The following ENOX1 variants were observed in gnomAD, a reference collection of about 807,000 sequenced individuals.
The protein encoded by ENOX1 is ecto-NOX disulfide-thiol exchanger 1.
A neutral mutation model predicts 82.5 loss-of-function variants in ENOX1; 42 were observed. The ratio of observed to expected loss-of-function variants is 0.51; its 90% CI spans 0.40 to 0.66. The LOEUF is 0.66. Among genes scored for constraint, ENOX1 ranks in the 30% least tolerant of loss-of-function variants. The pLI, the probability that ENOX1 is intolerant of heterozygous loss-of-function variation, is 0.00. For synonymous variants in ENOX1, 271 were observed against 282.2 expected (o/e 0.96, Z 0.40); for missense variants, 608 against 811.6 (o/e 0.75, Z 3.05).
chr13:43,386,222 C>T (rs1048168914), intron 5 of ENOX1, among the ~76,000 whole-genome samples: 4 of 152,068 alleles, frequency 2.6e-5, no homozygotes, highest in African/African-American at 9.7e-5. Flanking sequence ...CTTTAAACAA[C>T]AACAACAAAA....
Position 43,630,858 on chromosome 13 carries a change from T to TACACACACACACAC in ENOX1, c.-219+36620_-219+36621insGTGTGTGTGTGTGT, listed in dbSNP as rs767775854. Among the ~76,000 whole-genome samples, 792 of 82,066 alleles carry TACACACACACACAC rather than the reference T, an allele frequency of 9.7e-3. 35 individuals are homozygous for TACACACACACACAC. In the East Asian group the frequency reaches 0.23, roughly 23 times the overall value. 53.8% of individuals were successfully genotyped at this position (82,066 alleles called of 152,430 possible). A position where few individuals can be genotyped will look rare whatever the true frequency, so the allele number is the denominator to read the frequency against. ...AACCACACACACACATATATATATA[T>TACACACACACACAC]ATACACACACACACACATATATATA... On this transcript the variant is annotated intron_variant, in intron 2 of 16. Coordinates refer to ENST00000690772, the MANE Select transcript of ENOX1 (RefSeq NM_001347969.2).
At chr13:43,573,252 T>G (rs937082221) in intron 2 of ENOX1, among the ~76,000 whole-genome samples, 1 of 152,198 alleles carries the variant, frequency 6.6e-6, no homozygotes, top group Non-Finnish European at 1.5e-5. Flanking sequence ...TCTCAGTGAC[T>G]TCTCCCTTCA....
chr13:43,438,996 T>C (rs2056199453), intron 3 of ENOX1, among the ~76,000 whole-genome samples: 2 of 152,028 alleles, frequency 1.3e-5, no homozygotes, highest in Admixed American at 1.3e-4. Flanking sequence ...CAACAGTGTA[T>C]TATTGTGTGA....
At chr13:43,711,318 C>G (rs559992205) in intron 1 of ENOX1, among the ~76,000 whole-genome samples, 2 of 151,944 alleles carry the variant, frequency 1.3e-5, no homozygotes, top group Non-Finnish European at 2.9e-5. Context: ...CCAGTCTTAC[C>G]GTTGTTCGAC....
At chr13:43,328,285 T>C (rs920582802) in intron 9 of ENOX1, among the ~76,000 whole-genome samples, 1 of 152,206 alleles carries the variant, frequency 6.6e-6, no homozygotes, top group African/African-American at 2.4e-5. Context: ...CTGGGATCAT[T>C]GGGAATTTCA....
chr13:43,651,915 C>T (rs28505120), intron 2 of ENOX1, among the ~76,000 whole-genome samples: 21,746 of 133,178 alleles, frequency 0.16, 1,966 homozygotes, highest in East Asian at 0.43. Context: ...TCGGAGGTTG[C>T]GGTGAGATGA....
chr13:43,377,838 C>A (rs918960496), intron 5 of ENOX1, among the ~76,000 whole-genome samples: 1 of 152,112 alleles, frequency 6.6e-6, no homozygotes, highest in Non-Finnish European at 1.5e-5. Context: ...TGATAAAACC[C>A]TAAATTGGAT....
In ENOX1 at chr13:43,236,691, G is replaced by T. The variant is rs1170167446; in HGVS notation, c.1659C>A (p.Asn553Lys). Residue 553 changes from asparagine (N) to lysine (K), a missense_variant, in exon 15 of 17, where the codon AAC becomes AAA. Physicochemically the swap from Asn to Lys is moderately conservative, Grantham distance 94 (BLOSUM62 0). Coordinates refer to ENST00000690772, the MANE Select transcript of ENOX1 (RefSeq NM_001347969.2). ...AGCCTTGGCTTCTTTTCTCAATATT[G>T]TTCTCTCGGTCTTGGTTGACTAATG... is the stretch of plus-strand genomic sequence containing the variant. ...TVALVNQDRE[N>K]NIEKRSQGLK... is the part of the protein sequence containing the mutation. 4 of 1,587,892 alleles carry T rather than the reference G, an allele frequency of 2.5e-6. No homozygotes were observed. In the East Asian group the frequency reaches 9.2e-5, roughly 36 times the overall value.
intron 3 of ENOX1, among the ~76,000 whole-genome samples, chr13:43,442,998 G>C (rs1012830387): frequency 4.6e-5 from 7 of 152,126 alleles, no homozygotes; most frequent in Non-Finnish European, 1.0e-4. Context: ...ATTTTGACTG[G>C]AATATAGAAA....
chr13:43,373,837 A>G (rs1357959314), intron 5 of ENOX1, among the ~76,000 whole-genome samples: 2 of 152,206 alleles, frequency 1.3e-5, no homozygotes, highest in Admixed American at 1.3e-4. Context: ...TTAACTAACA[A>G]ATTGCCATTT....
Position 43,214,426 on chromosome 13 carries a change from G to C in ENOX1, c.1801-305C>G, listed in dbSNP as rs2041355983. 2.6e-5 allele frequency among the ~76,000 whole-genome samples: 4 copies of C among 152,134 alleles called. No individual in the cohort carries two copies. In the South Asian group the frequency reaches 8.3e-4, roughly 32 times the overall value. ...GCCCTCCCCTGATATAAAAGGAGATGGGGAGGGAATTTAAGAGGGCTCCCA... is the reference window on the plus strand; with the variant it reads ...GCCCTCCCCTGATATAAAAGGAGATCGGGAGGGAATTTAAGAGGGCTCCCA... On this transcript the variant is annotated intron_variant, in intron 16 of 16. Coordinates refer to ENST00000690772, the MANE Select transcript of ENOX1 (RefSeq NM_001347969.2).
At chr13:43,453,046 A>G (rs2057047984) in intron 3 of ENOX1, among the ~76,000 whole-genome samples, 1 of 152,218 alleles carries the variant, frequency 6.6e-6, no homozygotes, top group Non-Finnish European at 1.5e-5. Context: ...ATGCAAGTCC[A>G]AGCTGTGCTA....
chr13:43,685,316 C>T (rs1376115743), intron 1 of ENOX1, among the ~76,000 whole-genome samples: 1 of 152,150 alleles, frequency 6.6e-6, no homozygotes, highest in Non-Finnish European at 1.5e-5. Flanking sequence ...GCCAGGAAGG[C>T]AGAGGAGAAG....
chr13:43,272,975 C>T (rs1019708034), intron 12 of ENOX1, among the ~76,000 whole-genome samples: 2 of 152,110 alleles, frequency 1.3e-5, no homozygotes, highest in African/African-American at 2.4e-5. Flanking sequence ...TTCTTTTCTT[C>T]TCACTACACG....
intron 2 of ENOX1, among the ~76,000 whole-genome samples, chr13:43,616,178 C>CTATATATAGATATCTATAGATATATAGA (rs1566642064): frequency 1.5e-4 from 1 of 6,574 alleles, no homozygotes; most frequent in Non-Finnish European, 2.6e-4. Flanking sequence ...ATCTATCTAT[C>CTATATATAGATATCTATAGATATATAGA]TATCTATCTA....
At chr13:43,671,134 G>T (rs2085247276) in intron 1 of ENOX1, among the ~76,000 whole-genome samples, 1 of 151,996 alleles carries the variant, frequency 6.6e-6, no homozygotes, top group Admixed American at 6.6e-5. Context: ...GCTCTTGCAT[G>T]CTCTCTCTCT....
chr13:43,630,016 C>T (rs1014690586), intron 2 of ENOX1, among the ~76,000 whole-genome samples: 5 of 152,136 alleles, frequency 3.3e-5, no homozygotes, highest in African/African-American at 1.2e-4. Context: ...CTGGTGTCTT[C>T]TATTTTATTC....
chr13:43,712,480 G>A (rs1026975540), intron 1 of ENOX1, among the ~76,000 whole-genome samples: 1 of 151,896 alleles, frequency 6.6e-6, no homozygotes, highest in Non-Finnish European at 1.5e-5. Flanking sequence ...TGATGGAGAT[G>A]GCATTGAATC....
chr13:43,539,948 G>A (rs2078636818), intron 2 of ENOX1, among the ~76,000 whole-genome samples: 1 of 152,016 alleles, frequency 6.6e-6, no homozygotes, highest in Non-Finnish European at 1.5e-5. Flanking sequence ...TCTTATTAGT[G>A]TTAGTGTAGC....
Sources: gnomAD v4.1 joint callset for allele counts (sites outside exome capture counted in the v4.1 genomes callset) on GRCh38, gnomAD v4.1.1 for gene constraint, MANE v1.5 for transcripts, NCBI Gene and HGNC (gene_info 2026-07-23, HGNC 2026-07-21) for gene names.